SZT2: variants seen among roughly 807,000 people sequenced by gnomAD.
SZT2 encodes the protein KICSTOR complex protein SZT2.
In SZT2, 216 loss-of-function variants were observed where a neutral mutation model predicts 404.2. That is an observed-to-expected ratio of 0.53 (90% confidence interval 0.48 to 0.60). The LOEUF (loss-of-function observed/expected upper bound fraction) is 0.60. Among genes scored for constraint, SZT2 ranks in the 20% least tolerant of loss-of-function variants. SZT2 has a pLI of 0.00. For missense variants in SZT2, 3,857 were observed against 4,459.2 expected (o/e 0.86, Z 3.85); for synonymous variants, 1,693 against 1,749.9 (o/e 0.97, Z 0.81).
chr1:43,430,751 A>G lies in SZT2; in HGVS notation c.4736A>G (p.His1579Arg). The G allele has an allele frequency of 6.2e-7, 1 of 1,612,368 alleles. No homozygotes were observed. Among genetic ancestry groups the G allele is most frequent in the East Asian group, 2.2e-5 (1 of 44,886 alleles). ...LTCSVRLRGQHSSVPVCSLPT... is the reference protein window; with the variant it reads ...LTCSVRLRGQRSSVPVCSLPT... ...TGCTCCGTGCGGCTACGTGGGCAGCACAGCTCAGTACCTGTGTGCAGCCTG... is the reference window on the plus strand; with the variant it reads ...TGCTCCGTGCGGCTACGTGGGCAGCGCAGCTCAGTACCTGTGTGCAGCCTG... The change falls in exon 32 of 72, where the codon CAC becomes CGC. Residue 1579 changes from histidine to arginine, a missense_variant. Physicochemically the swap from His to Arg is conservative, Grantham distance 29 (BLOSUM62 0). Around this residue, in one of 7 missense-constraint regions of SZT2, gnomAD observed 1,725 missense variants for 1,881.0 expected, o/e 0.92. Coordinates refer to ENST00000634258, the MANE Select transcript of SZT2 (RefSeq NM_001365999.1).
At position 43,416,078 on chromosome 1, in the gene SZT2, T is replaced by TA. The variant is rs1651685926; in HGVS notation, c.750dup (p.Leu251ThrfsTer6). The TA allele has an allele frequency of 1.3e-6, 2 of 1,598,420 alleles. No individual in the cohort carries two copies. Among genetic ancestry groups the TA allele is most frequent in the Non-Finnish European group, 1.7e-6 (2 of 1,179,806 alleles). On this transcript the variant is annotated frameshift_variant, in exon 6 of 72. Coordinates refer to ENST00000634258, the MANE Select transcript of SZT2 (RefSeq NM_001365999.1). LOFTEE classifies it high-confidence loss of function. ...CGTCAGGGCATCTTGGCACTGCAGT[T>TA]ACTACCCTCGAACTCTAGTGCAGGT...
At chr1:43,405,643 T>C (rs1453916164) in intron 4 of SZT2, 2 of 152,172 alleles carry the variant, frequency 1.3e-5, no homozygotes, top group Non-Finnish European at 2.9e-5. Flanking sequence ...AGCAACAAAA[T>C]TGGTGCATAC....
Position 43,437,918 on chromosome 1 carries a change from G to T in SZT2, c.6508+16G>T, listed in dbSNP as rs2782648. 0.38 allele frequency: 609,791 copies of T among 1,613,306 alleles called. 122,461 individuals are homozygous for T. The highest frequency in any genetic ancestry group is 0.42 in the Non-Finnish European group (493,425 of 1,179,554). On this transcript the variant is annotated intron_variant, in intron 46 of 71. Transcript: ENST00000634258. The surrounding 1 kb of genome is among the most constrained non-coding windows in gnomAD (Gnocchi z 5.3). ...GGGCAGGCAGGTAAGGTCTGAGGAG[G>T]GGGTAGGGGAGTCGCCACATGAGGT... is the stretch of plus-strand genomic sequence containing the variant.
In SZT2 at chr1:43,443,415, C is replaced by T. The variant is rs1026389040; in HGVS notation, c.8563C>T (p.Leu2855Phe). ...RLVHYCATAM[L>F]FDPAAWLHGP... is the part of the protein sequence containing the mutation. ...GGTGCATTACTGTGCAACAGCCATG[C>T]TCTTCGACCCAGCTGCCTGGCTGCA... The change falls in exon 61 of 72, where the codon CTC becomes TTC. Residue 2855 changes from leucine to phenylalanine, a missense_variant. Coordinates refer to ENST00000634258, the MANE Select transcript of SZT2 (RefSeq NM_001365999.1). 2 of 1,614,232 alleles carry T rather than the reference C, an allele frequency of 1.2e-6. No individual in the cohort carries two copies. Among genetic ancestry groups the T allele is most frequent in the Non-Finnish European group, 1.7e-6 (2 of 1,180,038 alleles).
At chr1:43,402,746 C>T (rs1025172392) in intron 1 of SZT2, among the ~76,000 whole-genome samples, 7 of 152,124 alleles carry the variant, frequency 4.6e-5, no homozygotes, top group African/African-American at 7.2e-5. Context: ...AAAATTTCTT[C>T]GGTGCCTGCT....
chr1:43,395,136 A>C lies in SZT2; in HGVS notation c.27+5141A>C, dbSNP rs141919514. ...CAGTAGTAAAATTTAGTGGCCTACT[A>C]ACTGGTAATTGGAAGAAAGCTTTCT... On this transcript the variant is annotated intron_variant, in intron 1 of 71. Coordinates refer to ENST00000634258, the MANE Select transcript of SZT2 (RefSeq NM_001365999.1). Among the ~76,000 whole-genome samples, 977 of 152,322 alleles carry C rather than the reference A, an allele frequency of 6.4e-3. 9 individuals are homozygous for C. Among genetic ancestry groups the C allele is most frequent in the African/African-American group, 0.022 (926 of 41,570 alleles).
At chr1:43,400,226 C>T (rs1649520610) in intron 1 of SZT2, among the ~76,000 whole-genome samples, 1 of 152,214 alleles carries the variant, frequency 6.6e-6, no homozygotes, top group African/African-American at 2.4e-5. Context: ...AAGTCTGAGC[C>T]ACAGTGCCTA....
Position 43,443,668 on chromosome 1 carries a change from G to GC in SZT2, c.8702dup (p.Ala2903SerfsTer3), listed in dbSNP as rs778441034. ...CAAGCTGTGAATCCTTGGATGTGTC[G>GC]CCCCCGGGAGCCCGTGAGGAGCCTT... On this transcript the variant is annotated frameshift_variant, in exon 62 of 72. Transcript: ENST00000634258. LOFTEE classifies it high-confidence loss of function. The GC allele has an allele frequency of 1.2e-6, 2 of 1,614,198 alleles. No individual in the cohort carries two copies. Among genetic ancestry groups the GC allele is most frequent in the Non-Finnish European group, 1.7e-6 (2 of 1,180,030 alleles).
chr1:43,403,298 T>C lies in SZT2; in HGVS notation c.149T>C (p.Met50Thr). 2 of 1,613,276 alleles carry C rather than the reference T, an allele frequency of 1.2e-6. No individual in the cohort carries two copies. The highest frequency in any genetic ancestry group is 1.7e-5 in the Admixed American group (1 of 59,978). ...ACTGTGCAGGCCACACCCCAGGAGA[T>C]GCTGGTGAGGCTTAGACACACGAAA... ...HQTVQATPQEMLLQSEQELEV... is the reference protein window; with the variant it reads ...HQTVQATPQETLLQSEQELEV... The change falls in exon 2 of 72, where the codon ATG becomes ACG. Residue 50 changes from methionine to threonine, a missense_variant. Met to Thr is a moderately conservative substitution (Grantham distance 81). Transcript: ENST00000634258.
chr1:43,400,007 T>G (rs907115475), intron 1 of SZT2, among the ~76,000 whole-genome samples: 18 of 152,100 alleles, frequency 1.2e-4, no homozygotes, highest in Non-Finnish European at 2.4e-4. Flanking sequence ...GGTGTGATCA[T>G]AGCTCATTGC....
chr1:43,438,033 A>G (rs1557583719), intron 46 of SZT2, 131 bp downstream of exon 46: 1 of 877,876 alleles, frequency 1.1e-6, no homozygotes, highest in Non-Finnish European at 1.8e-6. Flanking sequence ...GACACATGTT[A>G]AGTGAGCCAT....
Position 43,415,948 on chromosome 1 carries a change from A to T in SZT2, c.631-12A>T, listed in dbSNP as rs745644215. On this transcript the variant is annotated splice_polypyrimidine_tract_variant and intron_variant, in intron 5 of 71. Transcript: ENST00000634258. ...ATCTGCCCCATTCTGTCTTTTCTGT[A>T]ACTTGGGGCAGGCAGAAGACCAGTC... 1 of 1,593,860 alleles carries T rather than the reference A, an allele frequency of 6.3e-7. No homozygotes were observed. Among genetic ancestry groups the T allele is most frequent in the Admixed American group, 1.7e-5 (1 of 59,070 alleles).
chr1:43,447,776 T>A (rs1326582938), intron 67 of SZT2, 73 bp from the exon 68 acceptor site: 2 of 1,610,680 alleles, frequency 1.2e-6, no homozygotes, highest in Non-Finnish European at 1.7e-6. Flanking sequence ...GAGACCAATG[T>A]TTTCTTGGGC....
chr1:43,397,480 TC>T lies in SZT2; in HGVS notation c.28-5696del, dbSNP rs1202062845. On this transcript the variant is annotated intron_variant, in intron 1 of 71. Coordinates refer to ENST00000634258, the MANE Select transcript of SZT2 (RefSeq NM_001365999.1). ...TAGACATGGCCTCCACCTCGCTGGA[TC>T]TTCAGACTTATACAGGAAACAAACA... Among the ~76,000 whole-genome samples the T allele has an allele frequency of 1.1e-3, 169 of 150,936 alleles. No individual in the cohort carries two copies. The East Asian group carries it at 0.022, about 20-fold the overall frequency.
chr1:43,403,337 A>G (rs1328827560), intron 2 of SZT2, 35 bp downstream of exon 2: 16 of 1,593,884 alleles, frequency 1.0e-5, no homozygotes, highest in Middle Eastern at 2.2e-4. Flanking sequence ...GTGAGGGGCC[A>G]GCCCAGAAGG....
intron 4 of SZT2, among the ~76,000 whole-genome samples, chr1:43,411,633 G>A (rs553531656): frequency 1.1e-4 from 17 of 152,030 alleles, no homozygotes; most frequent in African/African-American, 2.2e-4. Context: ...GCCCCATCAA[G>A]TGCTGAGCTC....
At position 43,423,188 on chromosome 1, in the gene SZT2, A is replaced by G. The variant is rs2153932651; in HGVS notation, c.2127A>G (p.Lys709=). 3 of 1,597,584 alleles carry G rather than the reference A, an allele frequency of 1.9e-6. No individual in the cohort carries two copies. Among genetic ancestry groups the G allele is most frequent in the African/African-American group, 1.3e-5 (1 of 75,012 alleles). The change falls in exon 15 of 72, where the codon AAA becomes AAG. Residue 709 remains lysine, a synonymous_variant. Transcript: ENST00000634258. ...AGCCAACGCCCAAGGTGAAACGAAA[A>G]GGGCTAGGGGGTGCTGGTGGGGGCA... ...SKEPTPKVKR[K]GLGGAGGGSS... is the part of the protein sequence containing the mutation.
Position 43,425,216 on chromosome 1 carries a change from G to C in SZT2, c.2645+9G>C. On this transcript the variant is annotated intron_variant, in intron 18 of 71. Transcript: ENST00000634258. This position sits in a 1 kb window ranked among gnomAD's most constrained non-coding sequence, Gnocchi z 4.3. ...ACCTCCACCAAAGACAGGTGAGACA[G>C]GCCATCTGTGAGGGCCGCCTCTGCA... 6.2e-7 allele frequency: 1 copy of C among 1,614,100 alleles called. No homozygotes were observed. Among genetic ancestry groups the C allele is most frequent in the Non-Finnish European group, 8.5e-7 (1 of 1,179,944 alleles).
chr1:43,447,331 T>C (rs1655797191), intron 66 of SZT2, among the ~76,000 whole-genome samples, 163 bp downstream of exon 66: 1 of 152,246 alleles, frequency 6.6e-6, no homozygotes, highest in African/African-American at 2.4e-5. Context: ...TGTCTGTTTC[T>C]TACCAGAGTT....
Sources: allele counts gnomAD v4.1 joint callset (sites outside exome capture counted in the v4.1 genomes callset), GRCh38; gene constraint gnomAD v4.1.1; regional missense constraint gnomAD v4.1.1; non-coding constraint Gnocchi (gnomAD v3.1); transcripts MANE v1.5; gene names NCBI Gene and HGNC (gene_info 2026-07-23, HGNC 2026-07-21).